Variants in PEX14 observed in about 807,000 individuals in gnomAD.
The protein encoded by PEX14 is peroxisomal biogenesis factor 14, also known as peroxisomal membrane protein PEX14.
In PEX14, 15 loss-of-function variants were observed where a neutral mutation model predicts 49.5. The observed-to-expected ratio is 0.30, with a 90% CI of 0.20 to 0.47. PEX14 has a LOEUF of 0.47. Ranked by LOEUF, PEX14 falls within the 20% of genes least tolerant of loss-of-function variation. The pLI is 1.00. For synonymous variants in PEX14, 210 were observed against 212.7 expected (o/e 0.99, Z 0.11); for missense variants, 398 against 494.8 (o/e 0.80, Z 1.86).
At chr1:10,534,839 CA>C (rs1435140267) in intron 2 of PEX14, among the ~76,000 whole-genome samples, 1 of 152,120 alleles carries the variant, frequency 6.6e-6, no homozygotes, top group Non-Finnish European at 1.5e-5. Context: ...GGAGGGGTTG[CA>C]GGGAAAATGA....
chr1:10,528,495 C>G (rs921966512), intron 2 of PEX14: 1 of 154,534 alleles, frequency 6.5e-6, no homozygotes, highest in African/African-American at 2.4e-5. Context: ...TGGAGTCACC[C>G]GCCACCGTCA....
At chr1:10,602,650 A>G (rs1249401105) in intron 4 of PEX14, among the ~76,000 whole-genome samples, 2 of 152,224 alleles carry the variant, frequency 1.3e-5, no homozygotes, top group African/African-American at 4.8e-5. Context: ...TGCTGGCATT[A>G]TGAAATATAC....
chr1:10,601,844 T>C (rs1296175112), intron 4 of PEX14, among the ~76,000 whole-genome samples: 2 of 152,212 alleles, frequency 1.3e-5, no homozygotes, highest in Non-Finnish European at 2.9e-5. Context: ...GGCCCAGCCG[T>C]GTAATGGGAT....
chr1:10,485,454 C>G (rs1325861447), intron 1 of PEX14, among the ~76,000 whole-genome samples: 1 of 150,560 alleles, frequency 6.6e-6, no homozygotes, highest in African/African-American at 2.5e-5. Context: ...GTAGCTAAGA[C>G]TCAGGTGCAT....
At position 10,514,156 on chromosome 1, in the gene PEX14, CTGTG is replaced by C. The variant is rs56306413; in HGVS notation, c.84+18875_84+18878del. 0.03 allele frequency among the ~76,000 whole-genome samples: 4,278 copies of C among 143,116 alleles called. 96 individuals carry two copies. Among genetic ancestry groups the C allele is most frequent in the African/African-American group, 0.065 (2,562 of 39,396 alleles). 93.9% of individuals were successfully genotyped at this position (143,116 alleles called of 152,430 possible). A position where few individuals can be genotyped will look rare whatever the true frequency, so the allele number is the denominator to read the frequency against. On this transcript the variant is annotated intron_variant, in intron 2 of 8. Coordinates refer to ENST00000356607, the MANE Select transcript of PEX14 (RefSeq NM_004565.3). The surrounding 1 kb of genome is among the most constrained non-coding windows in gnomAD (Gnocchi z 4.4). ...AAAATGTATAAAATAATCTATGCCT[CTGTG>C]TGTGTGTGTGTGTGTGTGTGTGTGT...
At chr1:10,627,444 A>G in intron 8 of PEX14, 81 bp downstream of exon 8, 1 of 987,058 alleles carries the variant, frequency 1.0e-6, no homozygotes, top group Non-Finnish European at 1.6e-6. Context: ...GAGGGGCATG[A>G]CGCCCACCCC....
In PEX14 at chr1:10,512,814, C is replaced by T. The variant is rs1641907711; in HGVS notation, c.84+17493C>T. ...CACGGGTTCAAGCGATTCCCTGCCT[C>T]AGCCTCCTGAGTAGCTGGGACTACA... On this transcript the variant is annotated intron_variant, in intron 2 of 8. Coordinates refer to ENST00000356607, the MANE Select transcript of PEX14 (RefSeq NM_004565.3). The surrounding 1 kb of genome is among the most constrained non-coding windows in gnomAD (Gnocchi z 4.6). Among the ~76,000 whole-genome samples, 1 of 152,168 alleles carries T rather than the reference C, an allele frequency of 6.6e-6. No individual in the cohort carries two copies. Among genetic ancestry groups the T allele is most frequent in the Admixed American group, 6.5e-5 (1 of 15,288 alleles).
intron 4 of PEX14, among the ~76,000 whole-genome samples, chr1:10,601,475 G>A (rs1343998628): frequency 6.6e-6 from 1 of 152,116 alleles, no homozygotes; most frequent in Non-Finnish European, 1.5e-5. Context: ...TTGCTGAAGG[G>A]CCAGCCAGTG....
At chr1:10,572,354 A>G (rs1640001090) in intron 3 of PEX14, among the ~76,000 whole-genome samples, 1 of 152,228 alleles carries the variant, frequency 6.6e-6, no homozygotes, top group Non-Finnish European at 1.5e-5. Flanking sequence ...GGATGTCTCC[A>G]TGAGCTTGGA....
At chr1:10,621,571 G>T (rs1255010811) in intron 5 of PEX14, among the ~76,000 whole-genome samples, 2 of 151,912 alleles carry the variant, frequency 1.3e-5, no homozygotes, top group African/African-American at 2.4e-5. Context: ...GGTCTCGAAC[G>T]CCTGACCTCA....
chr1:10,520,068 G>A (rs1638228998), intron 2 of PEX14, among the ~76,000 whole-genome samples: 1 of 151,848 alleles, frequency 6.6e-6, no homozygotes, highest in African/African-American at 2.4e-5. Context: ...TCAAATTCCT[G>A]GGCTCAGGCG....
chr1:10,483,161 G>A (rs943411290), intron 1 of PEX14, among the ~76,000 whole-genome samples: 1 of 152,210 alleles, frequency 6.6e-6, no homozygotes, highest in South Asian at 2.1e-4. Context: ...TGCTAGTATT[G>A]TTTTAAATTT....
chr1:10,493,598 T>C (rs1641507590), intron 1 of PEX14, among the ~76,000 whole-genome samples: 1 of 152,092 alleles, frequency 6.6e-6, no homozygotes, highest in Non-Finnish European at 1.5e-5. Context: ...TGGCCCATTT[T>C]TATATTTTTT....
intron 2 of PEX14, chr1:10,524,476 G>A: frequency 2.2e-6 from 2 of 899,144 alleles, no homozygotes; most frequent in Non-Finnish European, 2.7e-6. Context: ...AAACTGATTT[G>A]CTTAATGGTG....
intron 3 of PEX14, among the ~76,000 whole-genome samples, chr1:10,567,992 T>G (rs2124544156): frequency 6.6e-6 from 1 of 152,342 alleles, no homozygotes; most frequent in South Asian, 2.1e-4. Flanking sequence ...TTCAGCCAGT[T>G]CTTTAATTTG....
rs745344543 is a variant in PEX14 at position 10,623,132 on chromosome 1, A to T, written c.487+11A>T. 1 of 1,587,874 alleles carries T rather than the reference A, an allele frequency of 6.3e-7. No individual in the cohort carries two copies. The highest frequency in any genetic ancestry group is 2.2e-5 in the East Asian group (1 of 44,702). ...GCGTGGCCCAGACAGGTAAAGATTA[A>T]TGACTCCATCAAGTCACCCCTCACA... is the stretch of plus-strand genomic sequence containing the variant. On this transcript the variant is annotated intron_variant, in intron 6 of 8. Coordinates refer to ENST00000356607, the MANE Select transcript of PEX14 (RefSeq NM_004565.3). The surrounding 1 kb of genome is among the most constrained non-coding windows in gnomAD (Gnocchi z 4.4).
chr1:10,494,626 T>A lies in PEX14; in HGVS notation c.37-648T>A, dbSNP rs1641525047. 2.0e-5 allele frequency among the ~76,000 whole-genome samples: 3 copies of A among 152,348 alleles called. No individual in the cohort carries two copies. In the South Asian group the frequency reaches 6.2e-4, roughly 32 times the overall value. On this transcript the variant is annotated intron_variant, in intron 1 of 8. Coordinates refer to ENST00000356607, the MANE Select transcript of PEX14 (RefSeq NM_004565.3). This position sits in a 1 kb window ranked among gnomAD's most constrained non-coding sequence, Gnocchi z 4.3. ...GGGCCTCGGCCACAGTGCTGCCTGC[T>A]CGCCTGGAGGTTGGTCTGCTTATAT...
In PEX14 at chr1:10,623,613, C is replaced by T. The variant is rs888904127; in HGVS notation, c.487+492C>T. 6.6e-6 allele frequency among the ~76,000 whole-genome samples: 1 copy of T among 152,196 alleles called. No homozygotes were observed. The highest frequency in any genetic ancestry group is 2.4e-5 in the African/African-American group (1 of 41,444). Reference sequence around the variant, plus strand: ...ATGGCCCAGATTAGCTGGGACCTGTCGCGCCAGAGGTGGCTTCTCTTCTTT... The same window carrying T: ...ATGGCCCAGATTAGCTGGGACCTGTTGCGCCAGAGGTGGCTTCTCTTCTTT... On this transcript the variant is annotated intron_variant, in intron 6 of 8. Coordinates refer to ENST00000356607, the MANE Select transcript of PEX14 (RefSeq NM_004565.3). The surrounding 1 kb of genome is among the most constrained non-coding windows in gnomAD (Gnocchi z 4.4).
At chr1:10,544,807 G>C (rs1193047105) in intron 3 of PEX14, among the ~76,000 whole-genome samples, 1 of 151,588 alleles carries the variant, frequency 6.6e-6, no homozygotes, top group African/African-American at 2.4e-5. Context: ...TGTCACCTAG[G>C]CTGGAGTGCA....
Sources: allele counts gnomAD v4.1 joint callset (sites outside exome capture counted in the v4.1 genomes callset), GRCh38; gene constraint gnomAD v4.1.1; non-coding constraint Gnocchi (gnomAD v3.1); transcripts MANE v1.5; gene names NCBI Gene and HGNC (gene_info 2026-07-23, HGNC 2026-07-21).